Variants in NLRP13 observed in about 807,000 individuals in gnomAD.
NLRP13 encodes the protein NLR family pyrin domain containing 13.
In NLRP13, 82 loss-of-function variants were observed where a neutral mutation model predicts 94.4. That is an observed-to-expected ratio of 0.87 (90% CI 0.73 to 1.04). NLRP13 has a LOEUF of 1.04. Among genes scored for constraint, NLRP13 ranks in the 50% least tolerant of loss-of-function variants. The probability of loss-of-function intolerance (pLI) is 0.00; values close to 1 mark genes in which losing one functional copy is unlikely to be tolerated. For synonymous variants in NLRP13, 553 were observed against 464.7 expected, an observed-to-expected ratio of 1.19 and a Z score of -2.45; for missense variants, 1,426 against 1,230.8, an observed-to-expected ratio of 1.16 and a Z score of -2.37.
intron 7 of NLRP13, 150 bp downstream of exon 7, chr19:55,907,642 G>A (rs1221073014): frequency 1.7e-5 from 12 of 701,678 alleles, no homozygotes; most frequent in East Asian, 2.7e-5. Context: ...TGAGAACCAC[G>A]GCTCTACACA....
chr19:55,902,689 T>C (rs1228294909), intron 8 of NLRP13, among the ~76,000 whole-genome samples: 4 of 152,114 alleles, frequency 2.6e-5, no homozygotes, highest in Non-Finnish European at 5.9e-5. Context: ...AGTGTACAGG[T>C]TATAGAAGAT....
chr19:55,921,919 T>C (rs1349611446), intron 4 of NLRP13, among the ~76,000 whole-genome samples: 1 of 152,204 alleles, frequency 6.6e-6, no homozygotes, highest in African/African-American at 2.4e-5. Flanking sequence ...AATTGGTATA[T>C]TAGTCTGTTC....
chr19:55,930,874 T>TTATATATATATATATA (rs372288236), intron 1 of NLRP13, among the ~76,000 whole-genome samples: 2 of 70,206 alleles, frequency 2.8e-5, no homozygotes, highest in African/African-American at 1.6e-4. Context: ...GAATCAGTGA[T>TTATATATATATATATA]TATATATATA....
At chr19:55,914,666 T>C (rs1986632990) in intron 4 of NLRP13, among the ~76,000 whole-genome samples, 8 of 152,244 alleles carry the variant, frequency 5.3e-5, no homozygotes, top group Admixed American at 5.2e-4. Context: ...ATTGCCTTTT[T>C]GTGCCTGACT....
At chr19:55,927,186 TG>T (rs1466111282) in intron 1 of NLRP13, among the ~76,000 whole-genome samples, 1 of 151,880 alleles carries the variant, frequency 6.6e-6, no homozygotes, top group Non-Finnish European at 1.5e-5. Flanking sequence ...CTGGCCAGCG[TG>T]GGGAAACCCC....
intron 4 of NLRP13, among the ~76,000 whole-genome samples, chr19:55,917,919 C>A (rs1029768595): frequency 2.6e-5 from 4 of 152,054 alleles, no homozygotes; most frequent in Admixed American, 2.6e-4. Flanking sequence ...ATGAAACTGA[C>A]ACACATTTAC....
intron 8 of NLRP13, among the ~76,000 whole-genome samples, chr19:55,903,187 T>TACACGTATAATTAC (rs1986238901): frequency 6.6e-6 from 1 of 152,162 alleles, no homozygotes; most frequent in Non-Finnish European, 1.5e-5. Flanking sequence ...ATCATGATCA[T>TACACGTATAATTAC]ACACGTATAA....
rs1191190792 is a variant in NLRP13, at chr19:55,924,592, G to A, written c.455C>T (p.Thr152Ile). 2 of 1,611,436 alleles carry A rather than the reference G, an allele frequency of 1.2e-6. No homozygotes were observed. The highest frequency in any genetic ancestry group is 1.3e-5 in the African/African-American group (1 of 74,906). ...TATCAACCAAGTAATGTACACACCT[G>A]TTTCTTCTTCTAGCTCGTCTAGTTC... The part of the protein sequence containing the change: ...QEELDELEEE[T>I]GNVQAQGCQD... Residue 152 changes from threonine (T) to isoleucine (I), a missense_variant and splice_region_variant, in exon 3 of 11, where the codon ACA becomes ATA. Thr to Ile is a moderately conservative substitution (Grantham distance 89). Coordinates refer to ENST00000342929, the MANE Select transcript of NLRP13 (RefSeq NM_176810.2).
intron 9 of NLRP13, among the ~76,000 whole-genome samples, chr19:55,899,481 C>A (rs890040041): frequency 6.6e-6 from 1 of 151,924 alleles, no homozygotes; most frequent in Non-Finnish European, 1.5e-5. Context: ...AACCCACCCC[C>A]CCCATCCCAA....
chr19:55,932,059 C>G lies in NLRP13; in HGVS notation c.253G>C (p.Val85Leu). The G allele has an allele frequency of 6.2e-7, 1 of 1,614,136 alleles. No homozygotes were observed. Among genetic ancestry groups the G allele is most frequent in the East Asian group, 2.2e-5 (1 of 44,856 alleles). Reference protein sequence around the residue: ...HFPKGQAWKVVLGIFQTMNLT... With the variant: ...HFPKGQAWKVLLGIFQTMNLT... ...TTCATTGTCTGGAAGATGCCGAGGA[C>G]CACTTTCCATGCCTGACCTTTTGGG... is the stretch of plus-strand genomic sequence containing the variant. Residue 85 changes from valine (V) to leucine (L), a missense_variant, in exon 1 of 11, where the codon GTC (valine) becomes CTC (leucine). Coordinates refer to ENST00000342929, the MANE Select transcript of NLRP13 (RefSeq NM_176810.2).
intron 10 of NLRP13, among the ~76,000 whole-genome samples, chr19:55,897,168 G>A (rs979742076): frequency 3.3e-5 from 5 of 152,124 alleles, no homozygotes; most frequent in African/African-American, 1.2e-4. Flanking sequence ...ACAAAAGTGA[G>A]AAAATACATT....
At chr19:55,920,902 G>A (rs932063671) in intron 4 of NLRP13, among the ~76,000 whole-genome samples, 3 of 152,058 alleles carry the variant, frequency 2.0e-5, no homozygotes, top group African/African-American at 7.2e-5. Context: ...ATGTATGTAT[G>A]TATGTATACA....
rs757535581 is a variant in NLRP13 at position 55,925,026 on chromosome 19, T to G, written c.329A>C (p.Gln110Pro). ...GGTTGGATCTTGCAGCTCTTGGGTCTGCACATTCTCTGAAACAAACAGTGA... is the reference window on the plus strand; with the variant it reads ...GGTTGGATCTTGCAGCTCTTGGGTCGGCACATTCTCTGAAACAAACAGTGA... ...KVRAEMKENV[Q>P]TQELQDPTQE... The change falls in exon 2 of 11, where the codon CAG becomes CCG. Residue 110 changes from glutamine to proline, a missense_variant. Gln to Pro is a moderately conservative substitution (Grantham distance 76). Coordinates refer to ENST00000342929, the MANE Select transcript of NLRP13 (RefSeq NM_176810.2). 6.2e-7 allele frequency: 1 copy of G among 1,614,064 alleles called. No individual in the cohort carries two copies. The highest frequency in any genetic ancestry group is 1.7e-5 in the Admixed American group (1 of 60,014).
chr19:55,909,195 C>T (rs1034844465), intron 6 of NLRP13, among the ~76,000 whole-genome samples: 15 of 152,276 alleles, frequency 9.9e-5, no homozygotes, highest in African/African-American at 2.6e-4. Flanking sequence ...AGTTCCCCCC[C>T]GGCTTAATTG....
At chr19:55,925,474 C>T (rs4801648) in intron 1 of NLRP13, among the ~76,000 whole-genome samples, 43,453 of 152,102 alleles carry the variant, frequency 0.29, 6,675 homozygotes, top group Admixed American at 0.39. Context: ...ATGTCTATTG[C>T]CTGTCTAGGG....
chr19:55,928,649 C>A (rs1371273443), intron 1 of NLRP13, among the ~76,000 whole-genome samples: 4 of 152,208 alleles, frequency 2.6e-5, no homozygotes, highest in Non-Finnish European at 5.9e-5. Context: ...GCTAATTCCT[C>A]TCTCCAGGTC....
rs77758360 is a variant in NLRP13, at chr19:55,901,277, T to G, written c.2789+758A>C. On this transcript the variant is annotated intron_variant, in intron 9 of 10. Coordinates refer to ENST00000342929, the MANE Select transcript of NLRP13 (RefSeq NM_176810.2). ...ATAGAACAAAGGAGAATGAAAGTTT[T>G]TATCCCTGATGCAAATCCTGACCCC... Among the ~76,000 whole-genome samples the G allele has an allele frequency of 0.012, 1,778 of 152,330 alleles. 100 individuals carry two copies. In the East Asian group the frequency reaches 0.15, roughly 13 times the overall value.
intron 4 of NLRP13, among the ~76,000 whole-genome samples, chr19:55,922,944 A>AGCAG (rs1986869635): frequency 1.3e-5 from 2 of 152,244 alleles, no homozygotes; most frequent in Non-Finnish European, 2.9e-5. Flanking sequence ...GTCTCTGTAG[A>AGCAG]GCAGACCTCA....
rs142264094 is a variant in NLRP13, at chr19:55,913,205, G to A, written c.612C>T (p.Ile204=). Residue 204 remains isoleucine, a synonymous_variant, in exon 5 of 11, where the codon ATC becomes ATT. Transcript: ENST00000342929. ...NISWPKDHVY[I]RNTSKDEHEE... The stretch of plus-strand genomic sequence containing the variant: ...CATGTTCGTCCTTTGATGTATTACG[G>A]ATATATACGTGGTCTTTAGGCCAAC... 2.2e-5 allele frequency: 36 copies of A among 1,613,942 alleles called. No homozygotes were observed. The African/African-American group carries it at 4.3e-4, about 19-fold the overall frequency.
Sources: allele counts gnomAD v4.1 joint callset (sites outside exome capture counted in the v4.1 genomes callset), GRCh38; gene constraint gnomAD v4.1.1; transcripts MANE v1.5; gene names NCBI Gene and HGNC (gene_info 2026-07-23, HGNC 2026-07-21).